NOTCH2: variants seen among roughly 807,000 people sequenced by gnomAD.
NOTCH2 encodes notch receptor 2, also known as neurogenic locus notch homolog protein 2.
NOTCH2 carries 29 observed loss-of-function variants against 235.8 expected under a neutral mutation model. That is an observed-to-expected ratio of 0.12 (90% CI 0.09 to 0.17). The LOEUF is 0.17. NOTCH2 is among the 10% of genes least tolerant of loss of function. The pLI is 1.00. For missense variants in NOTCH2, 2,285 were observed against 3,150.2 expected (o/e 0.73, Z 6.57); for synonymous variants, 1,086 against 1,141.5 (o/e 0.95, Z 0.98).
At chr1:119,980,083 A>T (rs1553201460) in intron 5 of NOTCH2, among the ~76,000 whole-genome samples, 2 of 152,198 alleles carry the variant, frequency 1.3e-5, no homozygotes, top group Non-Finnish European at 2.9e-5. Context: ...ATCTGGGTTG[A>T]GGACCAGTAA....
intron 9 of NOTCH2, among the ~76,000 whole-genome samples, chr1:119,965,956 G>A (rs1651118910): frequency 6.6e-6 from 1 of 152,152 alleles, no homozygotes; most frequent in South Asian, 2.1e-4. Flanking sequence ...AAAAAAAGGA[G>A]AGACAGAGAA....
chr1:119,932,023 TAAAC>T (rs1649681966), intron 22 of NOTCH2, among the ~76,000 whole-genome samples: 1 of 147,640 alleles, frequency 6.8e-6, no homozygotes, highest in African/African-American at 2.5e-5. Flanking sequence ...TATATATATA[TAAAC>T]AAAGAAACTG....
At chr1:119,921,472 A>G (rs1649282907) in intron 29 of NOTCH2, among the ~76,000 whole-genome samples, 2 of 152,220 alleles carry the variant, frequency 1.3e-5, no homozygotes, top group African/African-American at 4.8e-5. Context: ...ACACTAAAGG[A>G]AACAGATGTG....
chr1:119,921,578 A>C, intron 29 of NOTCH2, 135 bp downstream of exon 29: 1 of 778,840 alleles, frequency 1.3e-6, no homozygotes, highest in Non-Finnish European at 2.3e-6. Flanking sequence ...AGAACCTAGG[A>C]TAGTTATTGT....
intron 1 of NOTCH2, among the ~76,000 whole-genome samples, chr1:120,038,087 C>T (rs1654385763): frequency 6.6e-6 from 1 of 152,176 alleles, no homozygotes; most frequent in Non-Finnish European, 1.5e-5. Flanking sequence ...ATATTGAAAT[C>T]TACTATATAC....
rs782815683 is a variant in NOTCH2 at position 119,988,723 on chromosome 1, A to G, written c.752-1641T>C. On this transcript the variant is annotated intron_variant, in intron 4 of 33. Coordinates refer to ENST00000256646, the MANE Select transcript of NOTCH2 (RefSeq NM_024408.4). ...GGGGAAAATGGGGCCCCTGGCCTAC[A>G]ACTGCTAAACTTGAGAGGTCTGGTG... Among the ~76,000 whole-genome samples the G allele has an allele frequency of 6.6e-5, 10 of 152,306 alleles. 2 individuals carry two copies. Among genetic ancestry groups the G allele is most frequent in the African/African-American group, 2.4e-4 (10 of 41,570 alleles).
chr1:119,914,399 T>G lies in NOTCH2; in HGVS notation c.*907A>C, dbSNP rs1270676591. On this transcript the variant is annotated 3_prime_UTR_variant, in exon 34 of 34. Coordinates refer to ENST00000256646, the MANE Select transcript of NOTCH2 (RefSeq NM_024408.4). ...AAAAAGTGGGGAGGGTCATAGTAACTAGACTATCAAGGATAAAACTTTACA... is the reference window on the plus strand; with the variant it reads ...AAAAAGTGGGGAGGGTCATAGTAACGAGACTATCAAGGATAAAACTTTACA... 4.3e-6 allele frequency: 1 copy of G among 232,996 alleles called. No individual in the cohort carries two copies. The highest frequency in any genetic ancestry group is 8.5e-6 in the Non-Finnish European group (1 of 118,020). The allele number at this position is 232,996 out of a possible 1,614,324, so 14.4% of individuals were successfully genotyped here. A position where few individuals can be genotyped will look rare whatever the true frequency, so the allele number is the denominator to read the frequency against.
Position 119,915,207 on chromosome 1 carries a change from C to T in NOTCH2, c.*99G>A. On this transcript the variant is annotated 3_prime_UTR_variant, in exon 34 of 34. Transcript: ENST00000256646. ...TCTCTTTCCTACCTCTAGAAGCTGG[C>T]TCCAGAGATTTCTTCATTTCTCTCC... 8.0e-7 allele frequency: 1 copy of T among 1,249,334 alleles called. No homozygotes were observed. Among genetic ancestry groups the T allele is most frequent in the Non-Finnish European group, 1.2e-6 (1 of 859,830 alleles). The allele number at this position is 1,249,334 out of a possible 1,614,324, so 77.4% of individuals were successfully genotyped here. A position where few individuals can be genotyped will look rare whatever the true frequency, so the allele number is the denominator to read the frequency against.
chr1:119,921,629 A>C, intron 29 of NOTCH2, 84 bp downstream of exon 29: 1 of 1,110,542 alleles, frequency 9.0e-7, no homozygotes, highest in Non-Finnish European at 1.4e-6. Context: ...ACTCCCATTC[A>C]GGACACTCTG....
At chr1:119,998,726 C>T (rs1436634739) in intron 3 of NOTCH2, among the ~76,000 whole-genome samples, 1 of 151,218 alleles carries the variant, frequency 6.6e-6, no homozygotes, top group South Asian at 2.1e-4. Context: ...TTCTAGGGTA[C>T]ACGTGCACAA....
intron 15 of NOTCH2, among the ~76,000 whole-genome samples, chr1:119,949,686 A>G (rs1650395559): frequency 6.6e-6 from 1 of 151,990 alleles, no homozygotes; most frequent in African/African-American, 2.4e-5. Context: ...TGCCTGGCCT[A>G]CTATTTCTTC....
At chr1:119,991,871 T>A (rs1418796243) in intron 4 of NOTCH2, among the ~76,000 whole-genome samples, 21 of 130,500 alleles carry the variant, frequency 1.6e-4, no homozygotes, top group South Asian at 1.1e-3. Flanking sequence ...AAATGACGCA[T>A]GCCCCCAAGT....
Position 119,954,136 on chromosome 1 carries a change from C to T in NOTCH2, c.2220-448G>A, listed in dbSNP as rs1458516763. 2.0e-5 allele frequency among the ~76,000 whole-genome samples: 3 copies of T among 152,288 alleles called. No homozygotes were observed. The East Asian group carries it at 5.8e-4, about 29-fold the overall frequency. ...CTCCTGGGATATTTCATATCTAAGT[C>T]ATGCTTTGTCTTGACCTAACACTTG... On this transcript the variant is annotated intron_variant, in intron 13 of 33. Transcript: ENST00000256646.
chr1:119,922,915 T>C (rs1649337766), intron 26 of NOTCH2, 137 bp from the exon 27 acceptor site: 12 of 1,020,102 alleles, frequency 1.2e-5, no homozygotes, highest in Admixed American at 1.8e-5. Context: ...ACCTCTGGGA[T>C]GCTGCCTTAA....
At chr1:120,055,593 C>T (rs587656572) in intron 1 of NOTCH2, among the ~76,000 whole-genome samples, 3 of 114,132 alleles carry the variant, frequency 2.6e-5, no homozygotes, top group African/African-American at 6.8e-5. Context: ...CCATAATGTT[C>T]CCACAATGGA....
At chr1:119,982,502 CT>C (rs1553201767) in intron 5 of NOTCH2, among the ~76,000 whole-genome samples, 1 of 152,214 alleles carries the variant, frequency 6.6e-6, no homozygotes, top group South Asian at 2.1e-4. Context: ...AAACATTAAT[CT>C]ACACTGCTCT....
At position 119,937,429 on chromosome 1, in the gene NOTCH2, G is replaced by A. The variant is rs782768804; in HGVS notation, c.3375C>T (p.Val1125=). 1 of 1,613,992 alleles carries A rather than the reference G, an allele frequency of 6.2e-7. No individual in the cohort carries two copies. The highest frequency in any genetic ancestry group is 1.1e-5 in the South Asian group (1 of 91,056). The change falls in exon 21 of 34, where the codon GTC becomes GTT. Residue 1125 remains valine, a synonymous_variant. Coordinates refer to ENST00000256646, the MANE Select transcript of NOTCH2 (RefSeq NM_024408.4). Reference sequence around the variant, plus strand: ...AATGCGTGTTGCCAGCATTGATGCAGACACCTGAGTGCTGGCACAAGTGTT... The same window carrying A: ...AATGCGTGTTGCCAGCATTGATGCAAACACCTGAGTGCTGGCACAAGTGTT... ...LVEHLCQHSG[V]CINAGNTHYC...
intron 3 of NOTCH2, among the ~76,000 whole-genome samples, chr1:120,003,501 A>C (rs1553205812): frequency 6.6e-6 from 1 of 152,124 alleles, no homozygotes; most frequent in African/African-American, 2.4e-5. Context: ...ACAGTATTCT[A>C]CACTAACTGA....
intron 14 of NOTCH2, among the ~76,000 whole-genome samples, chr1:119,952,524 T>C (rs142508447): frequency 1.5e-3 from 235 of 152,330 alleles, no homozygotes; most frequent in African/African-American, 5.4e-3. Flanking sequence ...TAGATTCTTA[T>C]AAGGAGCGCA....
Sources: allele counts gnomAD v4.1 joint callset (sites outside exome capture counted in the v4.1 genomes callset), GRCh38; gene constraint gnomAD v4.1.1; transcripts MANE v1.5; gene names NCBI Gene and HGNC (gene_info 2026-07-23, HGNC 2026-07-21).